SYT16: variants seen among roughly 807,000 people sequenced by gnomAD.
SYT16 encodes the protein synaptotagmin-16.
A neutral mutation model predicts 61.4 loss-of-function variants in SYT16; 42 were observed. That is an observed-to-expected ratio of 0.68 (90% CI 0.53 to 0.89). The LOEUF is 0.89. Among genes scored for constraint, SYT16 ranks in the 40% least tolerant of loss-of-function variants. The probability of loss-of-function intolerance (pLI) is 0.00; values close to 1 mark genes in which losing one functional copy is unlikely to be tolerated. For synonymous variants in SYT16, 314 were observed against 302.3 expected (o/e 1.04, Z -0.40); for missense variants, 804 against 807.3 (o/e 1.00, Z 0.05).
chr14:61,941,613 C>T (rs2050213663), intron 1 of SYT16, among the ~76,000 whole-genome samples: 2 of 152,294 alleles, frequency 1.3e-5, no homozygotes, highest in South Asian at 2.1e-4. Flanking sequence ...TTGCCCCAGC[C>T]TGCGGCATCA....
chr14:61,900,501 G>C (rs1269498336), intron 1 of SYT16, among the ~76,000 whole-genome samples: 1 of 152,088 alleles, frequency 6.6e-6, no homozygotes. Context: ...CAAATTTCCA[G>C]GAAGGCCAAT....
chr14:62,024,521 T>C (rs1166123805), intron 3 of SYT16, among the ~76,000 whole-genome samples: 2 of 152,064 alleles, frequency 1.3e-5, no homozygotes, highest in Non-Finnish European at 2.9e-5. Flanking sequence ...ATAAAATTGA[T>C]CGGAAAGTGC....
intron 1 of SYT16, among the ~76,000 whole-genome samples, chr14:61,839,206 G>A (rs2046227431): frequency 6.6e-6 from 1 of 152,174 alleles, no homozygotes; most frequent in African/African-American, 2.4e-5. Flanking sequence ...GCCAAAGGGA[G>A]GTGTTTAGGT....
chr14:62,108,498 T>G lies in SYT16; in HGVS notation c.*7791T>G, dbSNP rs528709283. 2 of 152,322 alleles carry G rather than the reference T, an allele frequency of 1.3e-5. No homozygotes were observed. Among genetic ancestry groups the G allele is most frequent in the South Asian group, 4.1e-4 (2 of 4,820 alleles). The allele number at this position is 152,322 out of a possible 1,614,324, so 9.4% of individuals were successfully genotyped here. A position where few individuals can be genotyped will look rare whatever the true frequency, so the allele number is the denominator to read the frequency against. On this transcript the variant is annotated 3_prime_UTR_variant, in exon 8 of 8. Transcript: ENST00000683842. ...GATAGTTGCATTCTAGGACCATGTT[T>G]CTTTTTTGAGAGTGTTTCTTTGTCA...
intron 1 of SYT16, among the ~76,000 whole-genome samples, chr14:61,910,041 G>A (rs1403558683): frequency 6.6e-6 from 1 of 152,136 alleles, no homozygotes; most frequent in East Asian, 1.9e-4. Flanking sequence ...TTAAAGGTCA[G>A]TTTTACAGAA....
At chr14:61,812,566 C>T (rs2045300236), upstream of SYT16, 1 of 150,672 alleles carries the variant, frequency 6.6e-6, no homozygotes, top group Non-Finnish European at 1.5e-5. Flanking sequence ...GCAGCTCGGC[C>T]GTTCTGCCCG....
At chr14:62,044,334 G>A (rs1423752541) in intron 3 of SYT16, among the ~76,000 whole-genome samples, 1 of 152,096 alleles carries the variant, frequency 6.6e-6, no homozygotes, top group Non-Finnish European at 1.5e-5. Flanking sequence ...TGCAGAATGT[G>A]CAGGTTTGTT....
intron 7 of SYT16, among the ~76,000 whole-genome samples, chr14:62,094,912 A>G (rs1482169899): frequency 6.6e-6 from 1 of 151,960 alleles, no homozygotes; most frequent in East Asian, 1.9e-4. Flanking sequence ...AATGATCACT[A>G]TGGGCAAAAA....
At chr14:61,909,657 C>A (rs1204742645) in intron 1 of SYT16, among the ~76,000 whole-genome samples, 1 of 152,172 alleles carries the variant, frequency 6.6e-6, no homozygotes, top group African/African-American at 2.4e-5. Flanking sequence ...AGCTCATAGT[C>A]ACAGGTTATG....
At chr14:62,097,505 G>A (rs1407031933) in intron 7 of SYT16, among the ~76,000 whole-genome samples, 2 of 152,172 alleles carry the variant, frequency 1.3e-5, no homozygotes, top group Non-Finnish European at 2.9e-5. Flanking sequence ...CCCTGGTCAT[G>A]CTCCCCAACT....
At chr14:61,877,947 C>T (rs1278085998) in intron 1 of SYT16, among the ~76,000 whole-genome samples, 3 of 152,164 alleles carry the variant, frequency 2.0e-5, no homozygotes, top group Non-Finnish European at 4.4e-5. Flanking sequence ...GCAGAATGTC[C>T]CAGGCACACA....
intron 1 of SYT16, among the ~76,000 whole-genome samples, chr14:61,919,047 G>GC (rs2049230234): frequency 6.6e-6 from 1 of 152,182 alleles, no homozygotes; most frequent in Non-Finnish European, 1.5e-5. Context: ...TTTTTAACCT[G>GC]CCTTTGGCAG....
At chr14:62,043,935 A>G (rs569797237) in intron 3 of SYT16, among the ~76,000 whole-genome samples, 1 of 152,182 alleles carries the variant, frequency 6.6e-6, no homozygotes, top group East Asian at 1.9e-4. Context: ...GGCCTCTCAA[A>G]GTGCTGGGAT....
At chr14:62,069,397 A>T (rs1419889842) in intron 3 of SYT16, 2 of 574,646 alleles carry the variant, frequency 3.5e-6, no homozygotes, top group African/African-American at 3.7e-5. Flanking sequence ...TATATACCGT[A>T]TTTCTAATTA....
At chr14:62,039,501 C>A (rs866774199) in intron 3 of SYT16, among the ~76,000 whole-genome samples, 1 of 151,876 alleles carries the variant, frequency 6.6e-6, no homozygotes, top group Non-Finnish European at 1.5e-5. Flanking sequence ...GACATGCAAC[C>A]TGAAGAAATA....
At chr14:62,029,508 G>A (rs1012694317) in intron 3 of SYT16, among the ~76,000 whole-genome samples, 2 of 152,150 alleles carry the variant, frequency 1.3e-5, no homozygotes, top group Admixed American at 6.5e-5. Context: ...GAGATCATTT[G>A]GAACTCTAAA....
chr14:61,923,534 A>G (rs981663907), intron 1 of SYT16, among the ~76,000 whole-genome samples: 5 of 152,104 alleles, frequency 3.3e-5, no homozygotes, highest in African/African-American at 7.2e-5. Flanking sequence ...CTAGATGACA[A>G]TCCCTTCCTG....
At chr14:62,007,356 T>A (rs1432130962) in intron 3 of SYT16, among the ~76,000 whole-genome samples, 1 of 152,198 alleles carries the variant, frequency 6.6e-6, no homozygotes, top group Non-Finnish European at 1.5e-5. Flanking sequence ...TTGATAGTAT[T>A]TGCCATCATG....
intron 1 of SYT16, among the ~76,000 whole-genome samples, chr14:61,893,886 C>T (rs1341212812): frequency 3.3e-5 from 5 of 152,260 alleles, no homozygotes; most frequent in Non-Finnish European, 5.9e-5. Flanking sequence ...GCCTGTGGCT[C>T]CTCTCTCAGC....
Sources: allele counts gnomAD v4.1 joint callset (sites outside exome capture counted in the v4.1 genomes callset), GRCh38; gene constraint gnomAD v4.1.1; transcripts MANE v1.5; gene names NCBI Gene and HGNC (gene_info 2026-07-23, HGNC 2026-07-21).